Variants in HNRNPF observed in about 807,000 individuals in gnomAD.
HNRNPF encodes the protein heterogeneous nuclear ribonucleoprotein F, also known as HnRNP F protein.
HNRNPF carries 2 observed loss-of-function variants against 26.0 expected under a neutral mutation model. The ratio of observed to expected loss-of-function variants is 0.08; its 90% CI spans 0.03 to 0.24. The LOEUF is 0.24. HNRNPF is among the 10% of genes least tolerant of loss of function. The pLI is 1.00. For missense variants in HNRNPF, 299 were observed against 539.2 expected, an observed-to-expected ratio of 0.55 and a Z score of 4.41; for synonymous variants, 234 against 211.5, an observed-to-expected ratio of 1.11 and a Z score of -0.92.
At chr10:43,395,929 C>T (rs563172418) in intron 2 of HNRNPF, among the ~76,000 whole-genome samples, 5 of 152,286 alleles carry the variant, frequency 3.3e-5, no homozygotes, top group Non-Finnish European at 4.4e-5. Flanking sequence ...TCTGGTCTCC[C>T]CGTCCGCAGC....
At chr10:43,389,825 T>C (rs1028441582) in intron 3 of HNRNPF, among the ~76,000 whole-genome samples, 3 of 152,212 alleles carry the variant, frequency 2.0e-5, no homozygotes, top group African/African-American at 7.2e-5. Context: ...GAGTGGAACA[T>C]GGAAGCCTCT....
intron 3 of HNRNPF, among the ~76,000 whole-genome samples, chr10:43,390,283 G>C (rs1006051052): frequency 3.9e-5 from 6 of 152,148 alleles, no homozygotes; most frequent in Non-Finnish European, 7.3e-5. Context: ...CCCAACACTG[G>C]GTCAGGCTAG....
Position 43,387,632 on chromosome 10 carries a change from C to T in HNRNPF, c.253G>A (p.Val85Met). Reference protein sequence around the residue: ...RESMGHRYIEVFKSHRTEMDW... With the variant: ...RESMGHRYIEMFKSHRTEMDW... Reference sequence around the variant, plus strand: ...ATCTCGGTTCTGTGGGACTTGAACACCTCAATGTACCGGTGTCCCATGCTT... The same window carrying T: ...ATCTCGGTTCTGTGGGACTTGAACATCTCAATGTACCGGTGTCCCATGCTT... The change falls in exon 4 of 4, where the codon GTG (valine) becomes ATG (methionine). Residue 85 changes from valine to methionine, a missense_variant. Val to Met is a conservative substitution (Grantham distance 21). Around this residue, in one of 6 missense-constraint regions of HNRNPF, gnomAD observed 104 missense variants for 239.0 expected, o/e 0.44. Transcript: ENST00000682386. This position sits in a 1 kb window ranked among gnomAD's most constrained non-coding sequence, Gnocchi z 6.0. 1 of 1,614,180 alleles carries T rather than the reference C, an allele frequency of 6.2e-7. No individual in the cohort carries two copies. Among genetic ancestry groups the T allele is most frequent in the Non-Finnish European group, 8.5e-7 (1 of 1,180,038 alleles).
chr10:43,399,029 T>C (rs1838665289), intron 1 of HNRNPF, among the ~76,000 whole-genome samples: 1 of 151,994 alleles, frequency 6.6e-6, no homozygotes, highest in South Asian at 2.1e-4. Context: ...GCAATTAAGT[T>C]TTAGAAATCC....
At chr10:43,398,293 G>C (rs1222881163) in intron 1 of HNRNPF, among the ~76,000 whole-genome samples, 1 of 151,298 alleles carries the variant, frequency 6.6e-6, no homozygotes, top group African/African-American at 2.4e-5. Flanking sequence ...CAAAGTACTG[G>C]GATTATAGGT....
chr10:43,387,999 C>G lies in HNRNPF; in HGVS notation c.-52-63G>C. On this transcript the variant is annotated intron_variant, in intron 3 of 3. Transcript: ENST00000682386. This position sits in a 1 kb window ranked among gnomAD's most constrained non-coding sequence, Gnocchi z 6.0. Reference sequence around the variant, plus strand: ...ACAGAAATTTTCCCCATTTTACAGACGAGAGAGGTAGCAAGACATTAAGAA... The same window carrying G: ...ACAGAAATTTTCCCCATTTTACAGAGGAGAGAGGTAGCAAGACATTAAGAA... The G allele has an allele frequency of 2.5e-6, 2 of 812,942 alleles. No homozygotes were observed. Among genetic ancestry groups the G allele is most frequent in the Non-Finnish European group, 3.8e-6 (2 of 522,368 alleles). 50.4% of individuals were successfully genotyped at this position (812,942 alleles called of 1,614,324 possible).
At chr10:43,398,685 T>C (rs1838653373) in intron 1 of HNRNPF, among the ~76,000 whole-genome samples, 1 of 152,122 alleles carries the variant, frequency 6.6e-6, no homozygotes, top group Non-Finnish European at 1.5e-5. Flanking sequence ...AGACAGGGTC[T>C]GGCTCAGCTG....
chr10:43,407,546 G>A (rs901303065), intron 1 of HNRNPF, among the ~76,000 whole-genome samples: 1 of 152,148 alleles, frequency 6.6e-6, no homozygotes, highest in South Asian at 2.1e-4. Flanking sequence ...TGCGGTTGGG[G>A]GAGCCGGGCA....
intron 1 of HNRNPF, chr10:43,407,723 G>GAGC (rs1246957176): frequency 1.3e-5 from 2 of 152,244 alleles, no homozygotes; most frequent in African/African-American, 4.8e-5. Flanking sequence ...ATACCTCTAG[G>GAGC]AGCAGGAGAC....
chr10:43,391,621 G>A (rs1202537484), intron 3 of HNRNPF, among the ~76,000 whole-genome samples: 1 of 152,126 alleles, frequency 6.6e-6, no homozygotes, highest in African/African-American at 2.4e-5. Context: ...CTCTCCAGCT[G>A]GTTGACATTA....
chr10:43,401,981 G>A (rs538871554), intron 1 of HNRNPF, among the ~76,000 whole-genome samples: 1 of 152,220 alleles, frequency 6.6e-6, no homozygotes, highest in African/African-American at 2.4e-5. Flanking sequence ...AAAGGAACAT[G>A]ACAATTTACA....
intron 3 of HNRNPF, among the ~76,000 whole-genome samples, chr10:43,389,815 G>C (rs1588988300): frequency 6.6e-6 from 1 of 152,324 alleles, no homozygotes; most frequent in East Asian, 1.9e-4. Context: ...TTGCTAATGA[G>C]AGTGGAACAT....
At chr10:43,403,563 A>T (rs1388667488) in intron 1 of HNRNPF, among the ~76,000 whole-genome samples, 3 of 152,250 alleles carry the variant, frequency 2.0e-5, no homozygotes, top group Non-Finnish European at 4.4e-5. Context: ...TATTATGACC[A>T]AGTTGGATTT....
chr10:43,390,576 CTCTT>C (rs1838203334), intron 3 of HNRNPF, among the ~76,000 whole-genome samples: 3 of 152,162 alleles, frequency 2.0e-5, no homozygotes, highest in African/African-American at 7.2e-5. Context: ...TCCACACAGC[CTCTT>C]TCTCTCCTCA....
intron 1 of HNRNPF, chr10:43,397,071 A>G (rs1331736731): frequency 2.0e-5 from 3 of 149,916 alleles, no homozygotes; most frequent in Non-Finnish European, 4.4e-5. Context: ...AGGGAAGGGA[A>G]GAGGCGCTCG....
At chr10:43,392,652 C>T (rs756240596) in intron 3 of HNRNPF, among the ~76,000 whole-genome samples, 21 of 152,222 alleles carry the variant, frequency 1.4e-4, no homozygotes, top group Non-Finnish European at 1.6e-4. Flanking sequence ...AAATCCTCTC[C>T]CTTTCACTCC....
chr10:43,385,716 C>T lies in HNRNPF; in HGVS notation c.*921G>A, dbSNP rs1837997061. 1 of 152,208 alleles carries T rather than the reference C, an allele frequency of 6.6e-6. No homozygotes were observed. Among genetic ancestry groups the T allele is most frequent in the Non-Finnish European group, 1.5e-5 (1 of 68,036 alleles). 9.4% of individuals were successfully genotyped at this position (152,208 alleles called of 1,614,324 possible). Reference sequence around the variant, plus strand: ...GTTCTCCAGCTATCAACAGATGTGACTCCAGCATCAAGGGCCTAGCAGGAA... The same window carrying T: ...GTTCTCCAGCTATCAACAGATGTGATTCCAGCATCAAGGGCCTAGCAGGAA... On this transcript the variant is annotated 3_prime_UTR_variant, in exon 4 of 4. Transcript: ENST00000682386.
rs117230204 is a variant in HNRNPF at position 43,405,976 on chromosome 10, G to A, written c.-247+3155C>T. Among the ~76,000 whole-genome samples the A allele has an allele frequency of 4.1e-3, 628 of 152,046 alleles. 3 individuals are homozygous for A. The highest frequency in any genetic ancestry group is 6.5e-3 in the Non-Finnish European group (445 of 67,994). On this transcript the variant is annotated intron_variant, in intron 1 of 3. Coordinates refer to ENST00000682386, the MANE Select transcript of HNRNPF (RefSeq NM_001098204.2). ...CCAACTTGGGACCCAGTTGGGACTGGGTCCCAAGTCCCAATTGTGTCCCTG... is the reference window on the plus strand; with the variant it reads ...CCAACTTGGGACCCAGTTGGGACTGAGTCCCAAGTCCCAATTGTGTCCCTG...
rs139933236 is a variant in HNRNPF, at chr10:43,404,478, A to T, written c.-247+4653T>A. Among the ~76,000 whole-genome samples the T allele has an allele frequency of 1.4e-3, 208 of 152,292 alleles. 1 individual carries two copies. Among genetic ancestry groups the T allele is most frequent in the Middle Eastern group, 3.4e-3 (1 of 294 alleles). On this transcript the variant is annotated intron_variant, in intron 1 of 3. Coordinates refer to ENST00000682386, the MANE Select transcript of HNRNPF (RefSeq NM_001098204.2). ...ATTAATAGCTGCTGTAACATGACAA[A>T]AGAGAAGATACCAACCAATATGTGC...
Sources: gnomAD v4.1 joint callset for allele counts (sites outside exome capture counted in the v4.1 genomes callset) on GRCh38, gnomAD v4.1.1 for gene constraint, gnomAD v4.1.1 regional missense constraint, Gnocchi (gnomAD v3.1) non-coding constraint, MANE v1.5 for transcripts, NCBI Gene and HGNC (gene_info 2026-07-23, HGNC 2026-07-21) for gene names.